DZIP3: variants seen among roughly 807,000 people sequenced by gnomAD.
DZIP3 encodes E3 ubiquitin-protein ligase DZIP3.
A neutral mutation model predicts 162.0 loss-of-function variants in DZIP3; 118 were observed. The ratio of observed to expected loss-of-function variants is 0.73; its 90% CI spans 0.63 to 0.85. DZIP3 has a LOEUF of 0.85. Among genes scored for constraint, DZIP3 ranks in the 40% least tolerant of loss-of-function variants. The pLI is 0.00. For missense variants in DZIP3, 1,331 were observed against 1,407.0 expected, an observed-to-expected ratio of 0.95 and a Z score of 0.86; for synonymous variants, 438 against 458.6, an observed-to-expected ratio of 0.96 and a Z score of 0.57.
rs150550661 is a variant in DZIP3 at position 108,592,902 on chromosome 3, T to C, written c.-73+3063T>C. ...ACCTCACCCCTTCCAGTATTTGTTG[T>C]CTTACATTATTGCATTAGTGTAAGC... On this transcript the variant is annotated intron_variant, in intron 1 of 32. Coordinates refer to ENST00000361582, the MANE Select transcript of DZIP3 (RefSeq NM_014648.4). Among the ~76,000 whole-genome samples, 719 of 152,298 alleles carry C rather than the reference T, an allele frequency of 4.7e-3. 3 individuals carry two copies. The highest frequency in any genetic ancestry group is 0.016 in the African/African-American group (656 of 41,566).
At position 108,653,529 on chromosome 3, in the gene DZIP3, A is replaced by G. The variant is rs1215225085; in HGVS notation, c.2034-616A>G. 1.4e-5 allele frequency among the ~76,000 whole-genome samples: 2 copies of G among 142,868 alleles called. 1 individual carries two copies. The highest frequency in any genetic ancestry group is 4.3e-4 in the South Asian group (2 of 4,658). 93.7% of individuals were successfully genotyped at this position (142,868 alleles called of 152,430 possible). A position where few individuals can be genotyped will look rare whatever the true frequency, so the allele number is the denominator to read the frequency against. Reference sequence around the variant, plus strand: ...TGTGTATATATATATATATATATATATATATATATATATGTAGTATTTTCA... The same window carrying G: ...TGTGTATATATATATATATATATATGTATATATATATATGTAGTATTTTCA... On this transcript the variant is annotated intron_variant, in intron 18 of 32. Coordinates refer to ENST00000361582, the MANE Select transcript of DZIP3 (RefSeq NM_014648.4).
At chr3:108,679,809 T>C (rs1944239662) in intron 26 of DZIP3, among the ~76,000 whole-genome samples, 1 of 152,120 alleles carries the variant, frequency 6.6e-6, no homozygotes, top group Non-Finnish European at 1.5e-5. Flanking sequence ...TCTGGGATAC[T>C]AGTGTTCTAA....
At chr3:108,658,327 T>C (rs1012541850) in intron 19 of DZIP3, among the ~76,000 whole-genome samples, 1 of 152,114 alleles carries the variant, frequency 6.6e-6, no homozygotes, top group Non-Finnish European at 1.5e-5. Context: ...GAACTCAAGA[T>C]TAAGAAACTC....
chr3:108,654,477 A>C, intron 19 of DZIP3, 167 bp downstream of exon 19: 1 of 687,510 alleles, frequency 1.5e-6, no homozygotes, highest in Non-Finnish European at 2.4e-6. Context: ...AAAATAGAAT[A>C]AGGAAAAAAA....
intron 13 of DZIP3, 53 bp downstream of exon 13, chr3:108,642,567 A>T (rs976952112): frequency 1.4e-6 from 2 of 1,396,166 alleles, no homozygotes; most frequent in African/African-American, 1.5e-5. Context: ...AAAATTTTTG[A>T]CTTCTCTGTC....
intron 19 of DZIP3, among the ~76,000 whole-genome samples, chr3:108,659,992 T>C (rs1227696016): frequency 1.3e-5 from 2 of 152,008 alleles, no homozygotes; most frequent in Non-Finnish European, 1.5e-5. Flanking sequence ...TAAAAGAGGA[T>C]ACAAAGAAAT....
chr3:108,663,966 G>A (rs1157143287), intron 21 of DZIP3, among the ~76,000 whole-genome samples: 1 of 152,190 alleles, frequency 6.6e-6, no homozygotes, highest in African/African-American at 2.4e-5. Flanking sequence ...ACATAAAACA[G>A]AGACTTCCAG....
chr3:108,672,368 T>G (rs962113683), intron 22 of DZIP3, among the ~76,000 whole-genome samples, 192 bp from the exon 23 acceptor site: 2 of 151,962 alleles, frequency 1.3e-5, no homozygotes, highest in Non-Finnish European at 2.9e-5. Context: ...CTGATAAAAC[T>G]TCTATACTCT....
intron 21 of DZIP3, 131 bp from the exon 22 acceptor site, chr3:108,669,550 A>G (rs1943841203): frequency 2.9e-6 from 2 of 694,152 alleles, no homozygotes; most frequent in African/African-American, 3.6e-5. Flanking sequence ...GTTCAGTTGT[A>G]TTCAGGCTCA....
chr3:108,633,275 CAATAAAAGA>C (rs961866331), intron 9 of DZIP3, among the ~76,000 whole-genome samples: 1 of 151,704 alleles, frequency 6.6e-6, no homozygotes, highest in Non-Finnish European at 1.5e-5. Flanking sequence ...TTCTGTGAGT[CAATAAAAGA>C]ATAAATTGGT....
intron 16 of DZIP3, 71 bp downstream of exon 16, chr3:108,648,183 C>G: frequency 7.3e-7 from 1 of 1,364,624 alleles, no homozygotes; most frequent in Non-Finnish European, 9.8e-7. Flanking sequence ...ATGTGCTGTA[C>G]TTAAAGCATC....
chr3:108,682,139 T>A (rs1388408551), intron 26 of DZIP3, among the ~76,000 whole-genome samples: 1 of 150,846 alleles, frequency 6.6e-6, no homozygotes, highest in Admixed American at 6.6e-5. Context: ...TTGGCGATGA[T>A]GTGGAGAAAA....
In DZIP3 at chr3:108,684,339, C is replaced by G. The variant is rs753803161; in HGVS notation, c.3007C>G (p.Leu1003Val). Residue 1003 changes from leucine (L) to valine (V), a missense_variant and splice_region_variant, in exon 27 of 33, where the codon CTG (leucine) becomes GTG (valine). This residue lies in a region of DZIP3 where 1,278 missense variants were observed against 1,317.1 expected (regional missense o/e 0.97). Transcript: ENST00000361582. ...TGCAACTGGCCAACCTAGAGCCCCC[C>G]TGGTAAAAGCTTTCTTGGTGGAATA... ...VSATGQPRAP[L>V]MTGIAWALPA... 4 of 1,607,148 alleles carry G rather than the reference C, an allele frequency of 2.5e-6. No homozygotes were observed. The East Asian group carries it at 8.9e-5, about 36-fold the overall frequency.
intron 29 of DZIP3, among the ~76,000 whole-genome samples, chr3:108,688,333 T>C (rs116700759): frequency 0.019 from 2,941 of 152,342 alleles, 88 homozygotes; most frequent in African/African-American, 0.063. Flanking sequence ...TGCTCTAGTT[T>C]CTTTGAATGA....
chr3:108,626,722 T>A (rs943687274), intron 7 of DZIP3, among the ~76,000 whole-genome samples: 7 of 152,192 alleles, frequency 4.6e-5, no homozygotes, highest in African/African-American at 1.7e-4. Context: ...GTGAAAGATA[T>A]AGATCTTAAT....
intron 4 of DZIP3, among the ~76,000 whole-genome samples, chr3:108,616,242 C>T (rs1273313400): frequency 6.8e-6 from 1 of 148,072 alleles, no homozygotes; most frequent in Non-Finnish European, 1.5e-5. Flanking sequence ...CCAGCCAGGG[C>T]GACAGAGCGA....
In DZIP3 at chr3:108,690,882, G is replaced by C; in HGVS notation, c.3612G>C (p.Gln1204His). ...PEEFPGHPSR[Q>H]LPKI ...AATTCCCTGGTCACCCCAGCCGGCA[G>C]TTGCCCAAGATCTGATACAAGGTCG... The change falls in exon 32 of 33, where the codon CAG becomes CAC. Residue 1204 changes from glutamine to histidine, a missense_variant. Coordinates refer to ENST00000361582, the MANE Select transcript of DZIP3 (RefSeq NM_014648.4). The C allele has an allele frequency of 1.2e-6, 2 of 1,614,150 alleles. No individual in the cohort carries two copies. The highest frequency in any genetic ancestry group is 1.7e-6 in the Non-Finnish European group (2 of 1,179,988).
Position 108,646,627 on chromosome 3 carries a change from A to G in DZIP3, c.1770A>G (p.Leu590=), listed in dbSNP as rs1287191362. The change falls in exon 15 of 33, where the codon CTA becomes CTG. Residue 590 remains leucine (L), a synonymous_variant. Coordinates refer to ENST00000361582, the MANE Select transcript of DZIP3 (RefSeq NM_014648.4). ...CTTTATGTATTATAGGAATTGCTCT[A>G]CAGTCAATAACAGGCAGTCAGCGTA... ...MLSCYQQGIA[L]QSITGSQRIE... 2 of 1,566,176 alleles carry G rather than the reference A, an allele frequency of 1.3e-6. No individual in the cohort carries two copies. Among genetic ancestry groups the G allele is most frequent in the South Asian group, 2.4e-5 (2 of 85,036 alleles).
intron 18 of DZIP3, among the ~76,000 whole-genome samples, chr3:108,651,366 T>C (rs958497566): frequency 1.3e-5 from 2 of 151,710 alleles, no homozygotes; most frequent in African/African-American, 4.8e-5. Flanking sequence ...AATTATCATT[T>C]GCTTTGGAAG....
Sources: allele counts gnomAD v4.1 joint callset (sites outside exome capture counted in the v4.1 genomes callset), GRCh38; gene constraint gnomAD v4.1.1; regional missense constraint gnomAD v4.1.1; transcripts MANE v1.5; gene names NCBI Gene and HGNC (gene_info 2026-07-23, HGNC 2026-07-21).